Variants in ZC3H8 observed in about 807,000 individuals in gnomAD.
ZC3H8 encodes the protein zinc finger CCCH-type containing 8, also known as zinc finger CCCH domain-containing protein 8.
ZC3H8 carries 27 observed loss-of-function variants against 42.5 expected under a neutral mutation model. That is an observed-to-expected ratio of 0.64 (90% CI 0.47 to 0.88). ZC3H8 has a LOEUF of 0.88. Among genes scored for constraint, ZC3H8 ranks in the 40% least tolerant of loss-of-function variants. The probability of loss-of-function intolerance (pLI) is 0.00; values close to 1 mark genes in which losing one functional copy is unlikely to be tolerated. For synonymous variants in ZC3H8, 101 were observed against 110.1 expected, an observed-to-expected ratio of 0.92 and a Z score of 0.52; for missense variants, 277 against 336.1, an observed-to-expected ratio of 0.82 and a Z score of 1.37.
chr2:112,213,959 T>G lies in ZC3H8; in HGVS notation c.*2525A>C, dbSNP rs1334718324. On this transcript the variant is annotated 3_prime_UTR_variant, in exon 9 of 9. Coordinates refer to ENST00000409573, the MANE Select transcript of ZC3H8 (RefSeq NM_032494.3). ...ACCCACTTAAGAATTTTTTTTTTTT[T>G]TTTTTTGAGACGGAGTCTCACTGTC... 1 of 145,646 alleles carries G rather than the reference T, an allele frequency of 6.9e-6. No individual in the cohort carries two copies. The highest frequency in any genetic ancestry group is 1.5e-5 in the Non-Finnish European group (1 of 65,900). The allele number at this position is 145,646 out of a possible 1,614,324, so 9.0% of individuals were successfully genotyped here.
intron 8 of ZC3H8, among the ~76,000 whole-genome samples, chr2:112,222,266 G>C (rs1422041501): frequency 6.6e-6 from 1 of 152,146 alleles, no homozygotes; most frequent in Non-Finnish European, 1.5e-5. Context: ...CTAATCTGTT[G>C]TTGTCTGTTT....
intron 2 of ZC3H8, among the ~76,000 whole-genome samples, chr2:112,241,078 G>C (rs1433266634): frequency 6.6e-6 from 1 of 151,566 alleles, no homozygotes; most frequent in African/African-American, 2.4e-5. Flanking sequence ...TCAAATTTCT[G>C]ATAGACAAAA....
intron 4 of ZC3H8, among the ~76,000 whole-genome samples, chr2:112,234,584 T>TG (rs1309512597): frequency 3.9e-5 from 6 of 152,120 alleles, no homozygotes; most frequent in African/African-American, 1.4e-4. Flanking sequence ...GTGGACCACT[T>TG]GAGGTCAGGA....
chr2:112,226,544 G>C (rs1684846451), intron 8 of ZC3H8, among the ~76,000 whole-genome samples: 1 of 125,010 alleles, frequency 8.0e-6, no homozygotes. Context: ...AGCCAAGATT[G>C]TGCCACTGCA....
intron 2 of ZC3H8, among the ~76,000 whole-genome samples, chr2:112,240,952 A>AGTGTGT (rs67273091): frequency 0.012 from 1,758 of 142,664 alleles, 10 homozygotes; most frequent in Admixed American, 0.016. Context: ...TACAGGTAAC[A>AGTGTGT]GTGTGTGTGT....
rs35500593 is a variant in ZC3H8, at chr2:112,212,965, C to CTTTTTTTTTTTT, written c.*3507_*3518dup. On this transcript the variant is annotated 3_prime_UTR_variant, in exon 9 of 9. Transcript: ENST00000409573. The stretch of plus-strand genomic sequence containing the variant: ...CAGCAAGCACAACTCAGAAGAAATG[C>CTTTTTTTTTTTT]TTTTTTTTTTTTTTTTTTTTTTTAT... 9.4e-5 allele frequency: 8 copies of CTTTTTTTTTTTT among 84,918 alleles called. 1 individual carries two copies. The highest frequency in any genetic ancestry group is 5.3e-3 in the Middle Eastern group (1 of 188). 5.3% of individuals were successfully genotyped at this position (84,918 alleles called of 1,614,324 possible).
chr2:112,235,414 CA>C (rs1685275248), intron 4 of ZC3H8, among the ~76,000 whole-genome samples: 1 of 152,154 alleles, frequency 6.6e-6, no homozygotes, highest in Admixed American at 6.5e-5. Flanking sequence ...AGAATATTGA[CA>C]GGGGGTTGAG....
intron 8 of ZC3H8, among the ~76,000 whole-genome samples, chr2:112,229,549 T>C (rs1425650657): frequency 3.9e-5 from 6 of 152,206 alleles, no homozygotes; most frequent in African/African-American, 1.4e-4. Flanking sequence ...ATGCCCTAGC[T>C]AGCCCACTGG....
chr2:112,213,982 G>A lies in ZC3H8; in HGVS notation c.*2502C>T, dbSNP rs1395184754. On this transcript the variant is annotated 3_prime_UTR_variant, in exon 9 of 9. Transcript: ENST00000409573. ...TTTTTTTTTGAGACGGAGTCTCACT[G>A]TCGCCCAGGCTGGAGTGCAGTGGTG... 8.1e-6 allele frequency: 1 copy of A among 123,586 alleles called. No individual in the cohort carries two copies. Among genetic ancestry groups the A allele is most frequent in the African/African-American group, 3.1e-5 (1 of 31,860 alleles). The allele number at this position is 123,586 out of a possible 1,614,324, so 7.7% of individuals were successfully genotyped here. A position where few individuals can be genotyped will look rare whatever the true frequency, so the allele number is the denominator to read the frequency against.
chr2:112,239,259 G>C (rs1169982172), intron 2 of ZC3H8, among the ~76,000 whole-genome samples: 2 of 152,142 alleles, frequency 1.3e-5, no homozygotes, highest in African/African-American at 4.8e-5. Context: ...TTCAGGTATT[G>C]GTTACATGTG....
Position 112,234,155 on chromosome 2 carries a change from T to C in ZC3H8, c.586A>G (p.Ile196Val). The C allele has an allele frequency of 6.2e-7, 1 of 1,602,928 alleles. No homozygotes were observed. Among genetic ancestry groups the C allele is most frequent in the Non-Finnish European group, 8.5e-7 (1 of 1,175,194 alleles). ...TTCCTTTCAAGAAAATATTTACAAA[T>C]TTGTTTTCCCTTGCGTTCCACTGTA... is the stretch of plus-strand genomic sequence containing the variant. ...QHTVERKGKQ[I>V]CKYFLERKCI... is the part of the protein sequence containing the mutation. The change falls in exon 5 of 9, where the codon ATT becomes GTT. Residue 196 changes from isoleucine to valine, a missense_variant. By Grantham distance (29) the Ile-to-Val change is conservative. Transcript: ENST00000409573.
intron 8 of ZC3H8, among the ~76,000 whole-genome samples, chr2:112,224,884 A>G (rs1177366287): frequency 1.3e-5 from 2 of 152,156 alleles, no homozygotes; most frequent in Non-Finnish European, 2.9e-5. Flanking sequence ...TGTCCTATTT[A>G]TTGATTGTGG....
chr2:112,221,206 C>T (rs1478852060), intron 8 of ZC3H8, among the ~76,000 whole-genome samples: 1 of 152,056 alleles, frequency 6.6e-6, no homozygotes, highest in Non-Finnish European at 1.5e-5. Flanking sequence ...ATTGTAATCC[C>T]CAGTGTTGAA....
chr2:112,237,739 A>T (rs1248358241), intron 3 of ZC3H8, among the ~76,000 whole-genome samples: 3 of 151,690 alleles, frequency 2.0e-5, no homozygotes, highest in Non-Finnish European at 4.4e-5. Flanking sequence ...CCATACCCTG[A>T]TACTTTTTTT....
chr2:112,221,340 G>T (rs552369852), intron 8 of ZC3H8, among the ~76,000 whole-genome samples: 19 of 151,906 alleles, frequency 1.3e-4, no homozygotes, highest in African/African-American at 4.4e-4. Context: ...AAAGTGTGTA[G>T]CTCCTCCCCA....
At chr2:112,246,305 T>G (rs1402124557) in intron 2 of ZC3H8, among the ~76,000 whole-genome samples, 1 of 152,246 alleles carries the variant, frequency 6.6e-6, no homozygotes, top group African/African-American at 2.4e-5. Flanking sequence ...TAATTGACTT[T>G]CAAGTCTTAT....
intron 3 of ZC3H8, 108 bp from the exon 4 acceptor site, chr2:112,236,803 T>C: frequency 9.6e-7 from 1 of 1,042,998 alleles, no homozygotes; most frequent in African/African-American, 1.6e-5. Flanking sequence ...TCCCAGCTCT[T>C]TGGGAGGCTG....
chr2:112,242,742 AAG>A (rs1052316527), intron 2 of ZC3H8, among the ~76,000 whole-genome samples: 87 of 152,346 alleles, frequency 5.7e-4, no homozygotes, highest in African/African-American at 2.1e-3. Context: ...CCCAACTCAC[AAG>A]AGAGTAACAG....
chr2:112,237,611 C>G (rs190893325), intron 3 of ZC3H8, among the ~76,000 whole-genome samples: 1 of 150,826 alleles, frequency 6.6e-6, no homozygotes, highest in Non-Finnish European at 1.5e-5. Flanking sequence ...GAGTCTCGCT[C>G]TGTTGTCCAG....
Sources: gnomAD v4.1 joint callset for allele counts (sites outside exome capture counted in the v4.1 genomes callset) on GRCh38, gnomAD v4.1.1 for gene constraint, MANE v1.5 for transcripts, NCBI Gene and HGNC (gene_info 2026-07-23, HGNC 2026-07-21) for gene names.